BRDT: variants seen among roughly 807,000 people sequenced by gnomAD.
The protein encoded by BRDT is bromodomain testis-specific protein.
Under a neutral mutation model 113.9 loss-of-function variants are expected in BRDT, and 77 were observed. The ratio of observed to expected loss-of-function variants is 0.68; its 90% CI spans 0.56 to 0.82. The LOEUF (loss-of-function observed/expected upper bound fraction) is 0.82. Among genes scored for constraint, BRDT ranks in the 40% least tolerant of loss-of-function variants. BRDT has a pLI of 0.00. For missense variants in BRDT, 1,027 were observed against 1,105.4 expected (o/e 0.93, Z 1.01); for synonymous variants, 358 against 366.5 (o/e 0.98, Z 0.26).
intron 16 of BRDT, 88 bp from the exon 17 acceptor site, chr1:92,004,326 C>T (rs1338716684): frequency 2.7e-5 from 22 of 820,256 alleles, no homozygotes; most frequent in Non-Finnish European, 4.0e-5. Flanking sequence ...TTAATTAGAT[C>T]TATTGCTGTA....
rs779964247 is a variant in BRDT at position 91,978,253 on chromosome 1, A to G, written c.1055A>G (p.Asn352Ser). 3.1e-6 allele frequency: 5 copies of G among 1,614,134 alleles called. No homozygotes were observed. In the South Asian group the frequency reaches 4.4e-5, roughly 14 times the overall value. ...RLMFMNCYKY[N>S]PPDHEVVTMA... ...ATGTTCATGAATTGCTACAAGTACA[A>G]TCCTCCAGATCACGAAGTTGTGACA... Residue 352 changes from asparagine to serine, a missense_variant, in exon 7 of 19, where the codon AAT (asparagine) becomes AGT (serine). Transcript: ENST00000399546.
intron 12 of BRDT, among the ~76,000 whole-genome samples, chr1:91,989,705 AATCTTCTC>A (rs1685596310): frequency 6.6e-6 from 1 of 152,100 alleles, no homozygotes; most frequent in Middle Eastern, 3.2e-3. Flanking sequence ...GTATATTCTC[AATCTTCTC>A]AGTCTGTCTC....
intron 3 of BRDT, among the ~76,000 whole-genome samples, chr1:91,966,554 CA>C (rs1683082568): frequency 6.6e-6 from 1 of 152,164 alleles, no homozygotes; most frequent in African/African-American, 2.4e-5. Context: ...TTTAAAAAAT[CA>C]GTACCATTGG....
chr1:91,968,066 C>A, intron 3 of BRDT, 80 bp from the exon 4 acceptor site: 1 of 1,449,184 alleles, frequency 6.9e-7, no homozygotes, highest in Non-Finnish European at 9.4e-7. Context: ...TACTGCCTTC[C>A]ATAAAGTGGG....
chr1:91,950,045 T>G (rs1175549607), intron 1 of BRDT: 1 of 152,214 alleles, frequency 6.6e-6, no homozygotes, highest in African/African-American at 2.4e-5. Flanking sequence ...CTTGCTTCAT[T>G]TATTTATTCA....
At chr1:91,979,011 A>ACAAC (rs554760897) in intron 7 of BRDT, among the ~76,000 whole-genome samples, 8 of 130,848 alleles carry the variant, frequency 6.1e-5, no homozygotes, top group Admixed American at 1.6e-4. Flanking sequence ...AAAAAAAAAA[A>ACAAC]AACAACAACA....
At chr1:91,957,301 G>T (rs572846353) in intron 1 of BRDT, among the ~76,000 whole-genome samples, 2 of 152,248 alleles carry the variant, frequency 1.3e-5, no homozygotes, top group African/African-American at 4.8e-5. Flanking sequence ...AGACCATCCT[G>T]GCTAACACGG....
At chr1:91,953,669 A>T (rs1681387754) in intron 1 of BRDT, among the ~76,000 whole-genome samples, 3 of 152,092 alleles carry the variant, frequency 2.0e-5, no homozygotes, top group African/African-American at 4.8e-5. Context: ...GACAGCAAGA[A>T]AAAGATTCTT....
rs189146357 is a variant in BRDT at position 91,983,902 on chromosome 1, G to C, written c.2002+2147G>C. Among the ~76,000 whole-genome samples, 53 of 152,074 alleles carry C rather than the reference G, an allele frequency of 3.5e-4. No individual in the cohort carries two copies. In the East Asian group the frequency reaches 9.3e-3, roughly 27 times the overall value. ...TCACCATGTTGTCCAGGCTGGTCTTGAACTCCTGACCTCAAGTAATTCTCC... is the reference window on the plus strand; with the variant it reads ...TCACCATGTTGTCCAGGCTGGTCTTCAACTCCTGACCTCAAGTAATTCTCC... On this transcript the variant is annotated intron_variant, in intron 12 of 18. Coordinates refer to ENST00000399546, the MANE Select transcript of BRDT (RefSeq NM_207189.4).
At chr1:92,006,189 T>C (rs1316785985) in intron 18 of BRDT, among the ~76,000 whole-genome samples, 4 of 152,228 alleles carry the variant, frequency 2.6e-5, no homozygotes, top group Non-Finnish European at 5.9e-5. Context: ...ACATGAAGAA[T>C]GTGTATTTTA....
intron 7 of BRDT, 119 bp downstream of exon 7, chr1:91,978,415 CA>C: frequency 9.1e-7 from 1 of 1,100,620 alleles, no homozygotes; most frequent in Non-Finnish European, 1.3e-6. Context: ...TATTAAATGG[CA>C]AAAACCACAA....
intron 6 of BRDT, among the ~76,000 whole-genome samples, chr1:91,977,707 A>T (rs1335651210): frequency 1.4e-5 from 2 of 144,334 alleles, no homozygotes. Context: ...GTCTCTACTA[A>T]AAAAAAAAAA....
At chr1:91,968,990 G>A (rs1683347869) in intron 4 of BRDT, among the ~76,000 whole-genome samples, 1 of 151,982 alleles carries the variant, frequency 6.6e-6, no homozygotes, top group Non-Finnish European at 1.5e-5. Context: ...AGGCTGGAGT[G>A]CAGTAGTGCG....
intron 1 of BRDT, among the ~76,000 whole-genome samples, chr1:91,959,429 T>A (rs1682177817): frequency 1.3e-5 from 2 of 151,108 alleles, no homozygotes; most frequent in South Asian, 4.2e-4. Context: ...CTTTTTTTTT[T>A]TTTTTTTATT....
Position 91,977,309 on chromosome 1 carries a change from T to C in BRDT, c.885T>C (p.Phe295=), listed in dbSNP as rs2101652125. The C allele has an allele frequency of 1.2e-6, 2 of 1,614,076 alleles. No homozygotes were observed. The highest frequency in any genetic ancestry group is 2.2e-5 in the East Asian group (1 of 44,846). Residue 295 remains phenylalanine, a synonymous_variant, in exon 6 of 19, where the codon TTT becomes TTC. Coordinates refer to ENST00000399546, the MANE Select transcript of BRDT (RefSeq NM_207189.4). The part of the protein sequence containing the change: ...AKKHFSYAWP[F]YNPVDVNALG... ...AACATTTTTCATATGCATGGCCCTT[T>C]TATAATCCTGTTGACGTTAATGCTT... is the stretch of plus-strand genomic sequence containing the variant.
intron 1 of BRDT, among the ~76,000 whole-genome samples, chr1:91,951,349 G>T (rs1681053782): frequency 6.6e-6 from 1 of 152,148 alleles, no homozygotes; most frequent in Non-Finnish European, 1.5e-5. Flanking sequence ...GTGGTTTATT[G>T]GATGGAGAAT....
At chr1:91,955,759 A>G (rs974417433) in intron 1 of BRDT, among the ~76,000 whole-genome samples, 4 of 152,188 alleles carry the variant, frequency 2.6e-5, no homozygotes, top group African/African-American at 9.6e-5. Context: ...AGTGAGCTTC[A>G]CTTCACATTA....
chr1:91,980,958 G>A lies in BRDT; in HGVS notation c.1530G>A (p.Met510Ile). Residue 510 changes from methionine (M) to isoleucine (I), a missense_variant, in exon 10 of 19, where the codon ATG becomes ATA. Physicochemically the swap from Met to Ile is conservative, Grantham distance 10 (BLOSUM62 1). Transcript: ENST00000399546. ...KSEDEDNAKP[M>I]NYDEKRQLSL... ...AAGATGAAGATAATGCTAAACCTATGAACTATGATGAGAAAAGGCAGTTAA... is the reference window on the plus strand; with the variant it reads ...AAGATGAAGATAATGCTAAACCTATAAACTATGATGAGAAAAGGCAGTTAA... 1.9e-6 allele frequency: 3 copies of A among 1,613,966 alleles called. No homozygotes were observed. Among genetic ancestry groups the A allele is most frequent in the Non-Finnish European group, 2.5e-6 (3 of 1,179,972 alleles).
chr1:91,951,037 AAG>A (rs34581663), intron 1 of BRDT, among the ~76,000 whole-genome samples: 31,542 of 123,602 alleles, frequency 0.26, 3,562 homozygotes, highest in Middle Eastern at 0.35. Context: ...AAAAAAAAAA[AAG>A]AGATGGTCCT....
Sources: allele counts gnomAD v4.1 joint callset (sites outside exome capture counted in the v4.1 genomes callset), GRCh38; gene constraint gnomAD v4.1.1; transcripts MANE v1.5; gene names NCBI Gene and HGNC (gene_info 2026-07-23, HGNC 2026-07-21).